P2RX5: variants seen among roughly 807,000 people sequenced by gnomAD.
P2RX5 encodes the protein purinergic receptor P2X 5.
In P2RX5, 46 loss-of-function variants were observed where a neutral mutation model predicts 54.1. The observed-to-expected ratio is 0.85, with a 90% CI of 0.67 to 1.09. The LOEUF (loss-of-function observed/expected upper bound fraction) is 1.09. Ranked by LOEUF, P2RX5 falls within the 50% of genes least tolerant of loss-of-function variation. P2RX5 has a pLI of 0.00. For synonymous variants in P2RX5, 226 were observed against 226.4 expected, an observed-to-expected ratio of 1.00 and a Z score of 0.02; for missense variants, 566 against 549.8, an observed-to-expected ratio of 1.03 and a Z score of -0.29.
chr17:3,681,423 C>T (rs1340396472), intron 10 of P2RX5, among the ~76,000 whole-genome samples: 1 of 152,084 alleles, frequency 6.6e-6, no homozygotes, highest in Non-Finnish European at 1.5e-5. Context: ...TGAACACGCA[C>T]ACCCCACCGA....
intron 6 of P2RX5, 38 bp from the exon 7 acceptor site, chr17:3,689,668 G>C: frequency 2.5e-6 from 4 of 1,613,626 alleles, no homozygotes; most frequent in Non-Finnish European, 3.4e-6. Flanking sequence ...AATGAAGTAA[G>C]ACTTGATGTT....
intron 2 of P2RX5, among the ~76,000 whole-genome samples, chr17:3,691,314 G>C (rs747666805): frequency 6.6e-6 from 1 of 152,242 alleles, no homozygotes; most frequent in Non-Finnish European, 1.5e-5. Flanking sequence ...ACAGGCTGGA[G>C]AGCTATTCCC....
At chr17:3,678,745 GGT>G (rs1427644631) in intron 11 of P2RX5, among the ~76,000 whole-genome samples, 1 of 152,226 alleles carries the variant, frequency 6.6e-6, no homozygotes, top group Non-Finnish European at 1.5e-5. Context: ...CCTGGGGTGT[GGT>G]TTGCAAGAGA....
chr17:3,688,605 T>C, intron 8 of P2RX5, 21 bp downstream of exon 8: 1 of 1,613,920 alleles, frequency 6.2e-7, no homozygotes, highest in Non-Finnish European at 8.5e-7. Flanking sequence ...AGGTCACAAG[T>C]GGGCACAAGG....
At chr17:3,678,167 C>T in intron 11 of P2RX5, 2 of 940,690 alleles carry the variant, frequency 2.1e-6, no homozygotes, top group Non-Finnish European at 2.5e-6. Context: ...GCGCACAGGG[C>T]AGAGAGGACT....
chr17:3,675,527 C>T, intron 11 of P2RX5: 1 of 985,094 alleles, frequency 1.0e-6, no homozygotes, highest in South Asian at 4.7e-5. Context: ...AGAAGTGACA[C>T]ACCTAAGTGG....
chr17:3,677,622 C>G (rs927790464), intron 11 of P2RX5: 75 of 985,306 alleles, frequency 7.6e-5, no homozygotes, highest in South Asian at 9.4e-5. Flanking sequence ...GCTGGAGTGG[C>G]TGGGCCTGGC....
At position 3,690,596 on chromosome 17, in the gene P2RX5, G is replaced by T; in HGVS notation, c.436+9C>A. ...CCTCCTTCAGCCCGTGGCCGCTCCA[G>T]GCCCTCACCGTTTCCAGCTGTAACC... On this transcript the variant is annotated intron_variant, in intron 4 of 11. Coordinates refer to ENST00000225328, the MANE Select transcript of P2RX5 (RefSeq NM_002561.4). 6.2e-7 allele frequency: 1 copy of T among 1,613,600 alleles called. No homozygotes were observed. Among genetic ancestry groups the T allele is most frequent in the Non-Finnish European group, 8.5e-7 (1 of 1,179,950 alleles).
At chr17:3,723,187 T>TTGGACA in the P2RX5 span, 28 of 849,670 alleles carry the variant, frequency 3.3e-5, no homozygotes, top group Non-Finnish European at 4.0e-6. Context: ...AAGATCTATT[T>TTGGACA]TGGACATGGA....
the P2RX5 span, among the ~76,000 whole-genome samples, chr17:3,720,032 A>AT: frequency 4.7e-5 from 7 of 149,514 alleles, no homozygotes; most frequent in Middle Eastern, 3.2e-3. Context: ...CAGCTGCGAA[A>AT]TTTTTTTTTT....
At chr17:3,717,654 C>T in the P2RX5 span, 1 of 152,138 alleles carries the variant, frequency 6.6e-6, no homozygotes, top group Non-Finnish European at 1.5e-5. Flanking sequence ...GTCAGGGGTG[C>T]TTTGGAGAGG....
At chr17:3,722,221 C>T in the P2RX5 span, among the ~76,000 whole-genome samples, 1 of 151,866 alleles carries the variant, frequency 6.6e-6, no homozygotes, top group African/African-American at 2.4e-5. Flanking sequence ...GTGGCTCACG[C>T]CTGTAATCCC....
At position 3,688,619 on chromosome 17, in the gene P2RX5, C is replaced by T. The variant is rs375516656; in HGVS notation, c.887+7G>A. 21 of 1,613,878 alleles carry T rather than the reference C, an allele frequency of 1.3e-5. No homozygotes were observed. The highest frequency in any genetic ancestry group is 5.3e-5 in the African/African-American group (4 of 74,930). On this transcript the variant is annotated splice_region_variant and intron_variant, in intron 8 of 11. Transcript: ENST00000225328. ...CAGGTCACAAGTGGGCACAAGGCAGCGGTTACCTGAAGTTGTACCCGGAGG... is the reference window on the plus strand; with the variant it reads ...CAGGTCACAAGTGGGCACAAGGCAGTGGTTACCTGAAGTTGTACCCGGAGG...
chr17:3,682,325 C>A, intron 9 of P2RX5: 1 of 376,538 alleles, frequency 2.7e-6, no homozygotes, highest in Non-Finnish European at 5.1e-6. Flanking sequence ...ACAAGAGAGA[C>A]CTCCTGGGGA....
Position 3,683,590 on chromosome 17 carries a change from C to T in P2RX5, c.982-1612G>A, listed in dbSNP as rs1372826321. 6.6e-5 allele frequency among the ~76,000 whole-genome samples: 10 copies of T among 152,238 alleles called. 1 individual carries two copies. In the Middle Eastern group the frequency reaches 0.014, roughly 207 times the overall value. The stretch of plus-strand genomic sequence containing the variant: ...TACAAAAATACGAAAATTAACCGGG[C>T]GCGGTGGCGCACGCCTGTAATCCCA... On this transcript the variant is annotated intron_variant, in intron 9 of 11. Coordinates refer to ENST00000225328, the MANE Select transcript of P2RX5 (RefSeq NM_002561.4).
the P2RX5 span, among the ~76,000 whole-genome samples, chr17:3,710,317 C>A: frequency 1.5e-3 from 227 of 150,762 alleles, 1 homozygote; most frequent in African/African-American, 5.2e-3. Flanking sequence ...GTCCCAGCTA[C>A]TCAGGAAGCT....
At chr17:3,699,926 GAAAGAAAGAA>G (rs2050806476), upstream of P2RX5, among the ~76,000 whole-genome samples, 1 of 65,418 alleles carries the variant, frequency 1.5e-5, no homozygotes, top group African/African-American at 4.4e-5. Flanking sequence ...AGGAAAGAAA[GAAAGAAAGAA>G]AGAAAGAAAG....
At position 3,695,908 on chromosome 17, in the gene P2RX5, T is replaced by A. The variant is rs748659735; in HGVS notation, c.98A>T (p.Tyr33Phe). 6.2e-7 allele frequency: 1 copy of A among 1,610,568 alleles called. No homozygotes were observed. The highest frequency in any genetic ancestry group is 8.5e-7 in the Non-Finnish European group (1 of 1,177,884). ...IAKNKKVGLL[Y>F]RLLQASILAY... ...CAGGATGGAGGCCTGCAGCAGCCGG[T>A]ACAGCAGGCCCACCTTCTTGTTCTT... The change falls in exon 1 of 12, where the codon TAC becomes TTC. Residue 33 changes from tyrosine (Y) to phenylalanine (F), a missense_variant. Transcript: ENST00000225328.
chr17:3,674,175 G>A (rs1269307176), intron 11 of P2RX5, among the ~76,000 whole-genome samples: 8 of 152,258 alleles, frequency 5.3e-5, no homozygotes, highest in South Asian at 4.1e-4. Context: ...TTAGCCGGGC[G>A]AGGCGAGCGC....
Sources: gnomAD v4.1 joint callset for allele counts (sites outside exome capture counted in the v4.1 genomes callset) on GRCh38, gnomAD v4.1.1 for gene constraint, MANE v1.5 for transcripts, NCBI Gene and HGNC (gene_info 2026-07-23, HGNC 2026-07-21) for gene names.